The following COX7A2L variants were observed in gnomAD, a reference collection of about 807,000 sequenced individuals.
The protein encoded by COX7A2L is cytochrome c oxidase subunit 7A2 like, also known as cytochrome c oxidase subunit 7A2-like, mitochondrial.
A neutral mutation model predicts 14.2 loss-of-function variants in COX7A2L; 18 were observed. The observed-to-expected ratio is 1.27, with a 90% CI of 0.88 to 1.88. COX7A2L has a LOEUF of 1.88. Among genes scored for constraint, COX7A2L ranks in the 40% most tolerant of loss-of-function variants. COX7A2L has a pLI of 0.00. For synonymous variants in COX7A2L, 65 were observed against 57.4 expected, an observed-to-expected ratio of 1.13 and a Z score of -0.60; for missense variants, 179 against 138.8, an observed-to-expected ratio of 1.29 and a Z score of -1.46.
At chr2:42,347,983 T>TC (rs1670531522), downstream of COX7A2L, among the ~76,000 whole-genome samples, 1 of 152,000 alleles carries the variant, frequency 6.6e-6, no homozygotes. Flanking sequence ...CAGAGGAAAC[T>TC]GAGGTAAGGA....
rs553544867 is a variant in COX7A2L at position 42,349,575 on chromosome 2, T to C, written c.*1644A>G. 7 of 152,202 alleles carry C rather than the reference T, an allele frequency of 4.6e-5. No homozygotes were observed. In the South Asian group the frequency reaches 1.2e-3, roughly 27 times the overall value. The allele number at this position is 152,202 out of a possible 1,614,324, so 9.4% of individuals were successfully genotyped here. A position where few individuals can be genotyped will look rare whatever the true frequency, so the allele number is the denominator to read the frequency against. On this transcript the variant is annotated 3_prime_UTR_variant, in exon 3 of 3. Transcript: ENST00000234301. ...TCCAAATACAGTAAAAACCAATGAA[T>C]TGTACACTTGAGGTGAACTGTACAG...
upstream of COX7A2L, among the ~76,000 whole-genome samples, chr2:42,364,739 G>A (rs1327259092): frequency 6.6e-6 from 1 of 152,190 alleles, no homozygotes; most frequent in Non-Finnish European, 1.5e-5. Flanking sequence ...TTAAAGCATG[G>A]TGTTTTCATA....
In COX7A2L at chr2:42,361,204, C is replaced by T; in HGVS notation, c.-43G>A. On this transcript the variant is annotated 5_prime_UTR_variant, in exon 1 of 3. Transcript: ENST00000234301. ...TTCCCGCATCCGCTGCCAACGCGAC[C>T]GCCCCAGAGAAGGACCCCGCCTCCC... 3 of 1,558,454 alleles carry T rather than the reference C, an allele frequency of 1.9e-6. No individual in the cohort carries two copies. Among genetic ancestry groups the T allele is most frequent in the Non-Finnish European group, 2.6e-6 (3 of 1,145,280 alleles).
At chr2:42,355,383 C>G (rs886715074) in intron 1 of COX7A2L, among the ~76,000 whole-genome samples, 3 of 152,152 alleles carry the variant, frequency 2.0e-5, no homozygotes, top group Admixed American at 1.3e-4. Context: ...ACTCTTTCTA[C>G]CAAGGATCTC....
chr2:42,352,872 G>T (rs182936875), intron 2 of COX7A2L: 33 of 309,976 alleles, frequency 1.1e-4, no homozygotes, highest in African/African-American at 5.3e-4. Context: ...CATGTGTCAC[G>T]AAGTCAAATA....
chr2:42,365,504 G>C (rs1370791483), upstream of COX7A2L, among the ~76,000 whole-genome samples: 2 of 152,054 alleles, frequency 1.3e-5, no homozygotes, highest in East Asian at 3.9e-4. Flanking sequence ...GCATGCATCT[G>C]TAATCCCAGC....
upstream of COX7A2L, among the ~76,000 whole-genome samples, chr2:42,365,412 A>G (rs1165641610): frequency 6.6e-6 from 1 of 152,178 alleles, no homozygotes; most frequent in African/African-American, 2.4e-5. Flanking sequence ...GGATCACCTG[A>G]CATCAGGAGT....
rs1257089314 is a variant in COX7A2L, at chr2:42,339,427, C to A, written c.193-5558G>T. Among the ~76,000 whole-genome samples, 2 of 152,136 alleles carry A rather than the reference C, an allele frequency of 1.3e-5. No individual in the cohort carries two copies. The highest frequency in any genetic ancestry group is 2.9e-5 in the Non-Finnish European group (2 of 68,038). ...AACCAAGAGGACTGCGGGGCAGCCTCCAAGGCCACAGGCGTTACTCCTGCC... is the reference window on the plus strand; with the variant it reads ...AACCAAGAGGACTGCGGGGCAGCCTACAAGGCCACAGGCGTTACTCCTGCC... On this transcript the variant is annotated intron_variant, in intron 2 of 2. Transcript: ENST00000468711. The surrounding 1 kb of genome is among the most constrained non-coding windows in gnomAD (Gnocchi z 5.4).
chr2:42,363,215 TTTCTACGACAAAAAG>T (rs1190618753), upstream of COX7A2L, among the ~76,000 whole-genome samples: 1 of 152,142 alleles, frequency 6.6e-6, no homozygotes, highest in Non-Finnish European at 1.5e-5. Context: ...CAGGAAGATT[TTTCTACGACAAAAAG>T]TTCGACTACC....
At chr2:42,341,530 C>G (rs1056568727) in intron 2 of COX7A2L, among the ~76,000 whole-genome samples, 3 of 152,224 alleles carry the variant, frequency 2.0e-5, no homozygotes, top group African/African-American at 4.8e-5. Context: ...CAGTGCTCCC[C>G]CAGCCCTCCT....
intron 1 of COX7A2L, among the ~76,000 whole-genome samples, chr2:42,356,389 T>A (rs1434603162): frequency 6.6e-6 from 1 of 152,208 alleles, no homozygotes; most frequent in Non-Finnish European, 1.5e-5. Flanking sequence ...TAATGGAAGC[T>A]CCACAAGCAC....
chr2:42,347,038 T>C (rs1670511204), downstream of COX7A2L, among the ~76,000 whole-genome samples: 1 of 152,092 alleles, frequency 6.6e-6, no homozygotes, highest in Non-Finnish European at 1.5e-5. Flanking sequence ...CAGCCCTTTT[T>C]GTATTTTTGT....
At chr2:42,349,136 A>T (rs1025339318), downstream of COX7A2L, among the ~76,000 whole-genome samples, 3 of 152,214 alleles carry the variant, frequency 2.0e-5, no homozygotes, top group Admixed American at 1.3e-4. Context: ...AAATGAAAAC[A>T]TATGTCCATG....
chr2:42,357,252 ACT>A (rs1670851456), intron 1 of COX7A2L, among the ~76,000 whole-genome samples: 1 of 152,220 alleles, frequency 6.6e-6, no homozygotes, highest in African/African-American at 2.4e-5. Flanking sequence ...GAACTTTTCC[ACT>A]GTGATTTAGG....
chr2:42,353,140 T>C (rs776476127), intron 2 of COX7A2L, 72 bp downstream of exon 2: 2 of 1,554,668 alleles, frequency 1.3e-6, no homozygotes, highest in African/African-American at 1.4e-5. Flanking sequence ...TAGATTAAGA[T>C]TTAGTTTCAT....
At position 42,353,549 on chromosome 2, in the gene COX7A2L, C is replaced by T. The variant is rs559321951; in HGVS notation, c.73-206G>A. ...GCCAACAAAGGCCCAATCTGAGCTT[C>T]CAGAAATACCTGGTGTGTCTATCTT... On this transcript the variant is annotated intron_variant, in intron 1 of 2. Coordinates refer to ENST00000234301, the MANE Select transcript of COX7A2L (RefSeq NM_004718.4). 7.2e-5 allele frequency among the ~76,000 whole-genome samples: 11 copies of T among 152,312 alleles called. No homozygotes were observed. In the South Asian group the frequency reaches 2.3e-3, roughly 32 times the overall value.
At chr2:42,358,463 T>C (rs1265370811) in intron 1 of COX7A2L, among the ~76,000 whole-genome samples, 1 of 152,192 alleles carries the variant, frequency 6.6e-6, no homozygotes. Context: ...CTACTACAAA[T>C]TACAAACATC....
At chr2:42,352,726 T>C (rs1395981048) in intron 2 of COX7A2L, among the ~76,000 whole-genome samples, 2 of 152,144 alleles carry the variant, frequency 1.3e-5, no homozygotes, top group East Asian at 3.9e-4. Context: ...TTTAAAAACA[T>C]TTTCAATTCT....
chr2:42,349,767 G>A lies in COX7A2L; in HGVS notation c.*1452C>T, dbSNP rs190819821. ...TGACAACTGCATTATGGTTATAAAG[G>A]AACACATGTCCTTACTCAGAAGATA... On this transcript the variant is annotated 3_prime_UTR_variant, in exon 3 of 3. Transcript: ENST00000234301. 2.9e-4 allele frequency: 44 copies of A among 152,266 alleles called. No homozygotes were observed. Among genetic ancestry groups the A allele is most frequent in the Admixed American group, 2.3e-3 (35 of 15,290 alleles). 9.4% of individuals were successfully genotyped at this position (152,266 alleles called of 1,614,324 possible). A position where few individuals can be genotyped will look rare whatever the true frequency, so the allele number is the denominator to read the frequency against.
Sources: gnomAD v4.1 joint callset for allele counts (sites outside exome capture counted in the v4.1 genomes callset) on GRCh38, gnomAD v4.1.1 for gene constraint, Gnocchi (gnomAD v3.1) non-coding constraint, MANE v1.5 for transcripts, NCBI Gene and HGNC (gene_info 2026-07-23, HGNC 2026-07-21) for gene names.